Variants in PIBF1 observed in about 807,000 individuals in gnomAD.
PIBF1 encodes the protein progesterone-induced-blocking factor 1.
A neutral mutation model predicts 112.5 loss-of-function variants in PIBF1; 90 were observed. The ratio of observed to expected loss-of-function variants is 0.80; its 90% CI spans 0.67 to 0.95. The LOEUF (loss-of-function observed/expected upper bound fraction) is 0.95. Ranked by LOEUF, PIBF1 falls within the 40% of genes least tolerant of loss-of-function variation. PIBF1 has a pLI of 0.00. For synonymous variants in PIBF1, 301 were observed against 288.6 expected (o/e 1.04, Z -0.44); for missense variants, 915 against 852.3 (o/e 1.07, Z -0.92).
chr13:72,826,639 T>C (rs1265457871), intron 6 of PIBF1, among the ~76,000 whole-genome samples: 1 of 152,120 alleles, frequency 6.6e-6, no homozygotes, highest in Non-Finnish European at 1.5e-5. Context: ...TTTTTTTTTT[T>C]ACCTTAACTG....
rs147907512 is a variant in PIBF1, at chr13:72,783,610, C to T, written c.141C>T (p.Thr47=). 1.2e-5 allele frequency: 20 copies of T among 1,613,926 alleles called. No individual in the cohort carries two copies. Among genetic ancestry groups the T allele is most frequent in the Admixed American group, 8.3e-5 (5 of 59,996 alleles). Residue 47 remains threonine (T), a synonymous_variant, in exon 2 of 18, where the codon ACC becomes ACT. Transcript: ENST00000326291. The part of the protein sequence containing the change: ...SEEREGKVRI[T]RQLIERKELL... The stretch of plus-strand genomic sequence containing the variant: ...AGCGAGAGGGCAAAGTCAGAATCAC[C>T]AGGCAGCTAATTGAACGAAAAGAAC...
intron 14 of PIBF1, among the ~76,000 whole-genome samples, chr13:72,947,881 A>G (rs1007894815): frequency 1.8e-4 from 27 of 152,362 alleles, no homozygotes; most frequent in Middle Eastern, 3.4e-3. Flanking sequence ...TGAGGCACAT[A>G]CACCATGGAA....
chr13:72,828,321 G>A (rs1344134359), intron 8 of PIBF1, among the ~76,000 whole-genome samples: 4 of 149,120 alleles, frequency 2.7e-5, no homozygotes, highest in African/African-American at 1.0e-4. Context: ...TACATGTGCA[G>A]AATATGCAGT....
rs373313611 is a variant in PIBF1 at position 72,914,568 on chromosome 13, G to A, written c.1640-2508G>A. Among the ~76,000 whole-genome samples, 6 of 152,150 alleles carry A rather than the reference G, an allele frequency of 3.9e-5. 1 individual carries two copies. The East Asian group carries it at 7.7e-4, about 20-fold the overall frequency. On this transcript the variant is annotated intron_variant, in intron 12 of 17. Transcript: ENST00000326291. ...AATCTTTTCCCTTTCCGCAACTTCA[G>A]TTACTATCAATAGGCTAGTAATTTC...
At chr13:72,880,336 T>C (rs1594112326) in intron 10 of PIBF1, among the ~76,000 whole-genome samples, 2 of 152,298 alleles carry the variant, frequency 1.3e-5, no homozygotes, top group Admixed American at 1.3e-4. Context: ...TGACAAGACA[T>C]CTTGGCCAGA....
intron 17 of PIBF1, among the ~76,000 whole-genome samples, chr13:73,012,154 C>G (rs940380007): frequency 6.6e-6 from 1 of 152,040 alleles, no homozygotes; most frequent in African/African-American, 2.4e-5. Flanking sequence ...GAGGTCGAGA[C>G]CAGCCTGACC....
chr13:72,835,448 T>G (rs2037314824), intron 9 of PIBF1, 80 bp downstream of exon 9: 2 of 1,069,660 alleles, frequency 1.9e-6, no homozygotes, highest in African/African-American at 3.3e-5. Flanking sequence ...AAATGCTATT[T>G]ATTATATAAT....
At chr13:72,897,142 A>G (rs904393986) in intron 11 of PIBF1, among the ~76,000 whole-genome samples, 51 of 152,208 alleles carry the variant, frequency 3.4e-4, no homozygotes, top group African/African-American at 1.2e-3. Context: ...TGGGGATCCC[A>G]TCTTCAGCAT....
intron 14 of PIBF1, among the ~76,000 whole-genome samples, chr13:72,961,312 G>A (rs137931966): frequency 1.4e-4 from 22 of 151,788 alleles, no homozygotes; most frequent in African/African-American, 4.4e-4. Context: ...CCATCCCACT[G>A]TTCCCTGCTT....
chr13:72,966,742 C>T (rs1427981310), intron 15 of PIBF1, among the ~76,000 whole-genome samples: 2 of 151,890 alleles, frequency 1.3e-5, no homozygotes, highest in Non-Finnish European at 1.5e-5. Context: ...AACCCTGTCT[C>T]GACTACAAAT....
intron 9 of PIBF1, among the ~76,000 whole-genome samples, chr13:72,847,410 C>T (rs1334486551): frequency 6.6e-6 from 1 of 152,128 alleles, no homozygotes; most frequent in East Asian, 1.9e-4. Context: ...CTGGCAAGAG[C>T]CTTCTCACTA....
rs888588984 is a variant in PIBF1 at position 72,944,546 on chromosome 13, T to C, written c.1833+13279T>C. Reference sequence around the variant, plus strand: ...TAATAATAATTTAAATAATTTCTGCTCTTATCAAATGCAGAAGTGTATTTA... The same window carrying C: ...TAATAATAATTTAAATAATTTCTGCCCTTATCAAATGCAGAAGTGTATTTA... On this transcript the variant is annotated intron_variant, in intron 14 of 17. Coordinates refer to ENST00000326291, the MANE Select transcript of PIBF1 (RefSeq NM_006346.4). 9.9e-5 allele frequency among the ~76,000 whole-genome samples: 15 copies of C among 152,150 alleles called. 1 individual carries two copies. The highest frequency in any genetic ancestry group is 6.2e-4 in the South Asian group (3 of 4,826).
rs1436220875 is a variant in PIBF1 at position 72,920,163 on chromosome 13, A to G, written c.1730+2997A>G. ...GGATTTAAGGAACCACAACTGATTCATACTCGAAATAATGTTAACTGTCCA... is the reference window on the plus strand; with the variant it reads ...GGATTTAAGGAACCACAACTGATTCGTACTCGAAATAATGTTAACTGTCCA... On this transcript the variant is annotated intron_variant, in intron 13 of 17. Transcript: ENST00000326291. Among the ~76,000 whole-genome samples the G allele has an allele frequency of 3.9e-5, 6 of 152,210 alleles. No homozygotes were observed. The South Asian group carries it at 8.3e-4, about 21-fold the overall frequency.
chr13:72,879,791 GA>G (rs2039547887), intron 10 of PIBF1, among the ~76,000 whole-genome samples: 2 of 152,084 alleles, frequency 1.3e-5, no homozygotes, highest in Admixed American at 1.3e-4. Context: ...TTTTAATTAT[GA>G]GGGGGAAATA....
chr13:72,868,786 C>G (rs1410717154), intron 10 of PIBF1, among the ~76,000 whole-genome samples: 1 of 141,404 alleles, frequency 7.1e-6, no homozygotes, highest in Admixed American at 7.5e-5. Context: ...GAGTTTGAAA[C>G]CAGGCTGGGC....
chr13:72,901,177 A>G (rs564945023), intron 11 of PIBF1: 24 of 310,254 alleles, frequency 7.7e-5, no homozygotes, highest in Non-Finnish European at 1.4e-4. Context: ...CTGACAAAGG[A>G]TGAATATCCG....
intron 16 of PIBF1, among the ~76,000 whole-genome samples, chr13:72,997,759 T>G (rs2043726968): frequency 6.6e-6 from 1 of 152,120 alleles, no homozygotes; most frequent in Admixed American, 6.6e-5. Context: ...TAGGAAAAAA[T>G]TACCTGTTAC....
chr13:72,855,454 G>C (rs2038379355), intron 10 of PIBF1, among the ~76,000 whole-genome samples: 1 of 152,084 alleles, frequency 6.6e-6, no homozygotes, highest in African/African-American at 2.4e-5. Flanking sequence ...TTTGAGACCA[G>C]GTTGGGCAAC....
At chr13:72,799,716 T>A (rs1022686844) in intron 5 of PIBF1, among the ~76,000 whole-genome samples, 2 of 152,210 alleles carry the variant, frequency 1.3e-5, no homozygotes, top group African/African-American at 2.4e-5. Flanking sequence ...ACAGGGGTTA[T>A]TGGGGAAGAG....
Sources: gnomAD v4.1 joint callset for allele counts (sites outside exome capture counted in the v4.1 genomes callset) on GRCh38, gnomAD v4.1.1 for gene constraint, MANE v1.5 for transcripts, NCBI Gene and HGNC (gene_info 2026-07-23, HGNC 2026-07-21) for gene names.